BRINP3: variants seen among roughly 807,000 people sequenced by gnomAD.
BRINP3 encodes BMP/retinoic acid-inducible neural-specific protein 3.
In BRINP3, 19 loss-of-function variants were observed where a neutral mutation model predicts 71.0. That is an observed-to-expected ratio of 0.27 (90% CI 0.19 to 0.39). The LOEUF (loss-of-function observed/expected upper bound fraction) is 0.39. BRINP3 is among the 10% of genes least tolerant of loss of function. The pLI, the probability that BRINP3 is intolerant of heterozygous loss-of-function variation, is 1.00. For synonymous variants in BRINP3, 380 were observed against 337.7 expected, an observed-to-expected ratio of 1.13 and a Z score of -1.37; for missense variants, 959 against 940.8, an observed-to-expected ratio of 1.02 and a Z score of -0.25.
intron 6 of BRINP3, among the ~76,000 whole-genome samples, chr1:190,203,751 ATATATATATATATATATAT>A: frequency 4.4e-4 from 2 of 4,584 alleles, no homozygotes; most frequent in South Asian, 4.2e-3. Flanking sequence ...ACTAAAGAAA[ATATATATATATATATATAT>A]ATATATATAT....
chr1:190,432,007 G>C (rs1283794319), intron 2 of BRINP3, among the ~76,000 whole-genome samples: 1 of 151,934 alleles, frequency 6.6e-6, no homozygotes, highest in Non-Finnish European at 1.5e-5. Flanking sequence ...CTATTAAAAG[G>C]ACTATACTAA....
chr1:190,197,096 C>A (rs1033413602), intron 6 of BRINP3, among the ~76,000 whole-genome samples: 4 of 151,762 alleles, frequency 2.6e-5, no homozygotes, highest in Non-Finnish European at 5.9e-5. Flanking sequence ...ACAATCATGG[C>A]GGAAAACAAA....
intron 2 of BRINP3, among the ~76,000 whole-genome samples, chr1:190,413,898 GAA>G (rs929552172): frequency 6.6e-6 from 1 of 151,768 alleles, no homozygotes; most frequent in Non-Finnish European, 1.5e-5. Context: ...TAAAACCACT[GAA>G]AAAAAATGTT....
At chr1:190,133,612 A>C (rs1393131226) in intron 7 of BRINP3, among the ~76,000 whole-genome samples, 4 of 152,144 alleles carry the variant, frequency 2.6e-5, no homozygotes, top group Non-Finnish European at 5.9e-5. Context: ...CAATATAGGC[A>C]GATAAGAATG....
intron 2 of BRINP3, among the ~76,000 whole-genome samples, chr1:190,314,993 T>C (rs1333067663): frequency 6.6e-6 from 1 of 152,050 alleles, no homozygotes; most frequent in Non-Finnish European, 1.5e-5. Context: ...TAAAATCAGA[T>C]AAGTGACATA....
chr1:190,134,301 G>A (rs140264259), intron 7 of BRINP3, among the ~76,000 whole-genome samples: 4 of 152,068 alleles, frequency 2.6e-5, no homozygotes, highest in African/African-American at 9.6e-5. Context: ...CAGATGCCTC[G>A]GCTTGGCAAG....
At chr1:190,463,341 A>G (rs1462666990) in intron 1 of BRINP3, among the ~76,000 whole-genome samples, 3 of 151,724 alleles carry the variant, frequency 2.0e-5, no homozygotes, top group Non-Finnish European at 4.4e-5. Context: ...ATGTTCCCAT[A>G]CAATAGATAA....
intron 2 of BRINP3, among the ~76,000 whole-genome samples, chr1:190,395,168 T>C (rs978839840): frequency 3.3e-5 from 5 of 151,804 alleles, no homozygotes; most frequent in African/African-American, 1.2e-4. Context: ...TAAAACTTAA[T>C]CAGAAGCATA....
intron 2 of BRINP3, among the ~76,000 whole-genome samples, chr1:190,442,813 T>G (rs1674919972): frequency 6.6e-6 from 1 of 151,280 alleles, no homozygotes; most frequent in East Asian, 1.9e-4. Flanking sequence ...TGTGTGTGTG[T>G]GTGTGTGTGT....
At chr1:190,339,416 C>T (rs909113304) in intron 2 of BRINP3, among the ~76,000 whole-genome samples, 1 of 151,962 alleles carries the variant, frequency 6.6e-6, no homozygotes, top group African/African-American at 2.4e-5. Context: ...ACAAGCTGCA[C>T]TAGAATCACA....
intron 2 of BRINP3, among the ~76,000 whole-genome samples, chr1:190,298,383 AT>A (rs1186451274): frequency 6.7e-6 from 1 of 149,210 alleles, no homozygotes; most frequent in Non-Finnish European, 1.5e-5. Flanking sequence ...GTGTGGGTTA[AT>A]TTTGCTTTTT....
intron 4 of BRINP3, among the ~76,000 whole-genome samples, chr1:190,246,040 T>G (rs905505430): frequency 1.3e-5 from 2 of 151,932 alleles, no homozygotes; most frequent in Non-Finnish European, 2.9e-5. Context: ...TCTTTGCTAT[T>G]GTGAATAGTG....
chr1:190,240,501 AG>A (rs1300864204), intron 4 of BRINP3, among the ~76,000 whole-genome samples: 7 of 152,176 alleles, frequency 4.6e-5, no homozygotes, highest in Non-Finnish European at 8.8e-5. Context: ...TTTAAACAAA[AG>A]CAAAAGCACT....
In BRINP3 at chr1:190,403,002, C is replaced by G. The variant is rs1357471938; in HGVS notation, c.236+51653G>C. The stretch of plus-strand genomic sequence containing the variant: ...TCGGCCTCCCAACGTGCTGGGATTA[C>G]AGGAATGAGCTACCTATCTTGTCCG... On this transcript the variant is annotated intron_variant, in intron 2 of 7. Coordinates refer to ENST00000367462, the MANE Select transcript of BRINP3 (RefSeq NM_199051.3). Among the ~76,000 whole-genome samples, 4 of 152,280 alleles carry G rather than the reference C, an allele frequency of 2.6e-5. No homozygotes were observed. The East Asian group carries it at 5.8e-4, about 22-fold the overall frequency.
chr1:190,242,225 A>T (rs756057129), intron 4 of BRINP3, among the ~76,000 whole-genome samples: 1 of 152,062 alleles, frequency 6.6e-6, no homozygotes, highest in Non-Finnish European at 1.5e-5. Flanking sequence ...TTTACAGTGT[A>T]TTTTGTGGGA....
intron 6 of BRINP3, among the ~76,000 whole-genome samples, chr1:190,165,463 TGTGTGTGTGTGTGTGTGTGTGTG>T (rs1651439594): frequency 1.2e-5 from 1 of 85,254 alleles, no homozygotes; most frequent in African/African-American, 4.7e-5. Context: ...TTTTTTTTTG[TGTGTGTGTGTGTGTGTGTGTGTG>T]TGTGTGTGTT....
intron 2 of BRINP3, among the ~76,000 whole-genome samples, chr1:190,347,228 C>T (rs1668077991): frequency 6.6e-6 from 1 of 152,106 alleles, no homozygotes; most frequent in Non-Finnish European, 1.5e-5. Flanking sequence ...ACAACCTCTG[C>T]CTCCCAGGTT....
intron 6 of BRINP3, among the ~76,000 whole-genome samples, chr1:190,201,624 A>G (rs1264831769): frequency 6.6e-6 from 1 of 152,216 alleles, no homozygotes; most frequent in Non-Finnish European, 1.5e-5. Flanking sequence ...CTGTGGTTCC[A>G]TGGGCTGGGC....
chr1:190,320,379 G>A (rs1666159405), intron 2 of BRINP3, among the ~76,000 whole-genome samples: 2 of 152,022 alleles, frequency 1.3e-5, no homozygotes, highest in South Asian at 4.1e-4. Context: ...ACATTGTTAG[G>A]AGACCCTCCT....
Sources: gnomAD v4.1 joint callset for allele counts (sites outside exome capture counted in the v4.1 genomes callset) on GRCh38, gnomAD v4.1.1 for gene constraint, MANE v1.5 for transcripts, NCBI Gene and HGNC (gene_info 2026-07-23, HGNC 2026-07-21) for gene names.